SERPINB6: variants seen among roughly 807,000 people sequenced by gnomAD.
The protein encoded by SERPINB6 is serpin family B member 6.
In SERPINB6, 16 loss-of-function variants were observed where a neutral mutation model predicts 26.1. The observed-to-expected ratio is 0.61, with a 90% CI of 0.42 to 0.93. The LOEUF (loss-of-function observed/expected upper bound fraction) is 0.93. Among genes scored for constraint, SERPINB6 ranks in the 40% least tolerant of loss-of-function variants. The pLI, the probability that SERPINB6 is intolerant of heterozygous loss-of-function variation, is 0.00. For missense variants in SERPINB6, 420 were observed against 478.0 expected (o/e 0.88, Z 1.13); for synonymous variants, 174 against 176.6 (o/e 0.99, Z 0.11).
chr6:2,964,230 G>A (rs1471800704), intron 1 of SERPINB6, among the ~76,000 whole-genome samples: 1 of 152,138 alleles, frequency 6.6e-6, no homozygotes, highest in Non-Finnish European at 1.5e-5. Flanking sequence ...AGGAAGAAAA[G>A]AAAATGTCAT....
At position 2,967,252 on chromosome 6, in the gene SERPINB6, T is replaced by C; in HGVS notation, c.-11+4281A>G. The C allele has an allele frequency of 7.1e-6, 7 of 984,668 alleles. No homozygotes were observed. Among genetic ancestry groups the C allele is most frequent in the Non-Finnish European group, 8.4e-6 (7 of 829,246 alleles). The allele number at this position is 984,668 out of a possible 1,614,324, so 61.0% of individuals were successfully genotyped here. ...AAGTTCTGCTCTGGAAGACTGAAAC[T>C]GGACCCCTTCCTTACATACACCATG... On this transcript the variant is annotated intron_variant, in intron 1 of 6. Transcript: ENST00000380539. The surrounding 1 kb of genome is among the most constrained non-coding windows in gnomAD (Gnocchi z 4.3).
intron 1 of SERPINB6, chr6:2,971,111 G>A: frequency 9.3e-7 from 1 of 1,070,294 alleles, no homozygotes; most frequent in Non-Finnish European, 1.1e-6. Flanking sequence ...GGCCGACCGG[G>A]GTCACCTGTG....
chr6:2,949,122 G>A, intron 5 of SERPINB6, 53 bp from the exon 6 acceptor site: 2 of 1,588,510 alleles, frequency 1.3e-6, no homozygotes, highest in South Asian at 2.2e-5. Context: ...ACTGACACAT[G>A]GGACAAATGT....
chr6:2,954,656 G>A lies in SERPINB6; in HGVS notation c.366C>T (p.Asp122=). ...KFYQAEMEEL[D]FISAVEKSRK... Reference sequence around the variant, plus strand: ...TGGACTTCTCTACGGCGCTGATAAAGTCAAGCTCCTCCATCTCTGCTTGGT... The same window carrying A: ...TGGACTTCTCTACGGCGCTGATAAAATCAAGCTCCTCCATCTCTGCTTGGT... The change falls in exon 4 of 7, where the codon GAC becomes GAT. Residue 122 remains aspartate, a synonymous_variant. Coordinates refer to ENST00000380539, the MANE Select transcript of SERPINB6 (RefSeq NM_004568.6). 6.2e-7 allele frequency: 1 copy of A among 1,614,042 alleles called. No individual in the cohort carries two copies. Among genetic ancestry groups the A allele is most frequent in the South Asian group, 1.1e-5 (1 of 91,084 alleles).
Position 2,954,877 on chromosome 6 carries a change from A to G in SERPINB6, c.313-168T>C, listed in dbSNP as rs896883888. 4.8e-6 allele frequency: 3 copies of G among 625,546 alleles called. No homozygotes were observed. The African/African-American group carries it at 5.5e-5, about 11-fold the overall frequency. The allele number at this position is 625,546 out of a possible 1,614,324, so 38.7% of individuals were successfully genotyped here. ...AAACTACAACTTCCTAGCTTTAGCT[A>G]TATTTAATCCTAGCTTAAAAACTAA... On this transcript the variant is annotated intron_variant, in intron 3 of 6. Coordinates refer to ENST00000380539, the MANE Select transcript of SERPINB6 (RefSeq NM_004568.6).
chr6:2,962,305 G>A lies in SERPINB6; in HGVS notation c.-10-2963C>T, dbSNP rs1042214355. 11 of 763,646 alleles carry A rather than the reference G, an allele frequency of 1.4e-5. No individual in the cohort carries two copies. The South Asian group carries it at 3.0e-4, about 21-fold the overall frequency. The allele number at this position is 763,646 out of a possible 1,614,324, so 47.3% of individuals were successfully genotyped here. A position where few individuals can be genotyped will look rare whatever the true frequency, so the allele number is the denominator to read the frequency against. ...TACTGAACTGGAGAAACCAAAGCAG[G>A]ATATTCGGAGGAGAAGTCAGTGCAC... On this transcript the variant is annotated intron_variant, in intron 1 of 6. Transcript: ENST00000380539.
intron 1 of SERPINB6, chr6:2,969,940 G>C (rs1025220665): frequency 1.4e-6 from 1 of 731,580 alleles, no homozygotes; most frequent in African/African-American, 1.9e-5. Flanking sequence ...TTTGAGACCA[G>C]CCTGGCCAGC....
intron 3 of SERPINB6, 22 bp from the exon 4 acceptor site, chr6:2,954,731 A>G (rs773754931): frequency 3.9e-6 from 6 of 1,549,214 alleles, no homozygotes; most frequent in Non-Finnish European, 5.4e-6. Flanking sequence ...AGAGTGACAT[A>G]ACTGCCTGGC....
At chr6:2,949,685 T>C (rs185358813) in intron 5 of SERPINB6, among the ~76,000 whole-genome samples, 1 of 152,360 alleles carries the variant, frequency 6.6e-6, no homozygotes, top group Admixed American at 6.5e-5. Flanking sequence ...ATAATATGAT[T>C]GTGATTGTTC....
chr6:2,956,947 AG>A (rs1406777061), intron 2 of SERPINB6: 1 of 152,242 alleles, frequency 6.6e-6, no homozygotes, highest in African/African-American at 2.4e-5. Flanking sequence ...CTGCCTGCTC[AG>A]GCCACGGAAT....
intron 1 of SERPINB6, chr6:2,962,066 C>T (rs1771176989): frequency 2.0e-6 from 2 of 985,300 alleles, no homozygotes; most frequent in African/African-American, 3.5e-5. Context: ...CTAAGAAAGG[C>T]TAATAATAAA....
rs2165123 is a variant in SERPINB6 at position 2,950,746 on chromosome 6, G to T, written c.574-1677C>A. Among the ~76,000 whole-genome samples the T allele has an allele frequency of 2.0e-5, 3 of 152,094 alleles. No individual in the cohort carries two copies. The South Asian group carries it at 6.2e-4, about 32-fold the overall frequency. On this transcript the variant is annotated intron_variant, in intron 5 of 6. Coordinates refer to ENST00000380539, the MANE Select transcript of SERPINB6 (RefSeq NM_004568.6). ...AACAATCCCCCTCAGTTCCTGACTC[G>T]GAGCTGCTCCTGTGAGTTGAGTAAA...
rs200232879 is a variant in SERPINB6, at chr6:2,965,432, T to TA, written c.-10-6091_-10-6090insT. Among the ~76,000 whole-genome samples, 304 of 152,308 alleles carry TA rather than the reference T, an allele frequency of 2.0e-3. 1 individual carries two copies. Among genetic ancestry groups the TA allele is most frequent in the Admixed American group, 5.5e-3 (84 of 15,308 alleles). ...TGGCAGGCTGGTCAGACTAATTTTT[T>TA]TTCTCAAACACAGCACATTGCTTAC... On this transcript the variant is annotated intron_variant, in intron 1 of 6. Transcript: ENST00000380539.
chr6:2,951,771 C>T (rs1317323429), intron 5 of SERPINB6, among the ~76,000 whole-genome samples: 4 of 152,282 alleles, frequency 2.6e-5, no homozygotes, highest in Admixed American at 1.3e-4. Flanking sequence ...GAAAGCATGA[C>T]GGGATTCCAC....
intron 5 of SERPINB6, among the ~76,000 whole-genome samples, chr6:2,950,288 T>C (rs548445649): frequency 2.4e-4 from 37 of 152,098 alleles, no homozygotes; most frequent in Non-Finnish European, 4.4e-4. Context: ...ATCCCACCAT[T>C]TTGGGAGGCT....
chr6:2,948,648 T>G lies in SERPINB6; in HGVS notation c.781A>C (p.Met261Leu), dbSNP rs754009164. 46 of 1,614,082 alleles carry G rather than the reference T, an allele frequency of 2.8e-5. No individual in the cohort carries two copies. Among genetic ancestry groups the G allele is most frequent in the Non-Finnish European group, 3.7e-5 (44 of 1,180,002 alleles). ...ACTTCCACCTCCTCTTCATCCATCA[T>G]GTCCAGCCTCGTCCATTCTACGAAC... is the stretch of plus-strand genomic sequence containing the variant. ...EKFVEWTRLD[M>L]MDEEEVEVSL... Residue 261 changes from methionine (M) to leucine (L), a missense_variant, in exon 7 of 7, where the codon ATG (methionine) becomes CTG (leucine). Physicochemically the swap from Met to Leu is conservative, Grantham distance 15. Coordinates refer to ENST00000380539, the MANE Select transcript of SERPINB6 (RefSeq NM_004568.6). This position sits in a 1 kb window ranked among gnomAD's most constrained non-coding sequence, Gnocchi z 5.0.
intron 2 of SERPINB6, chr6:2,957,350 T>C (rs55722256): frequency 0.013 from 1,978 of 152,306 alleles, 14 homozygotes; most frequent in Middle Eastern, 0.027. Flanking sequence ...AAGCAGAATT[T>C]AAAGGAACTA....
At position 2,967,686 on chromosome 6, in the gene SERPINB6, AG is replaced by A. The variant is rs1249938002; in HGVS notation, c.-11+3846del. ...GACATTCATGCAGCCAACAGCCATA[AG>A]AAAAAAGGCTCAGTATCACTGATCA... On this transcript the variant is annotated intron_variant, in intron 1 of 6. Coordinates refer to ENST00000380539, the MANE Select transcript of SERPINB6 (RefSeq NM_004568.6). The surrounding 1 kb of genome is among the most constrained non-coding windows in gnomAD (Gnocchi z 4.3). 1 of 152,246 alleles carries A rather than the reference AG, an allele frequency of 6.6e-6. No individual in the cohort carries two copies. The highest frequency in any genetic ancestry group is 1.9e-4 in the East Asian group (1 of 5,206). 9.4% of individuals were successfully genotyped at this position (152,246 alleles called of 1,614,324 possible).
At chr6:2,955,087 G>A in intron 3 of SERPINB6, 1 of 280,704 alleles carries the variant, frequency 3.6e-6, no homozygotes, top group Non-Finnish European at 6.8e-6. Flanking sequence ...CTACTTGGGA[G>A]GCTGAGGCAG....
Sources: allele counts gnomAD v4.1 joint callset (sites outside exome capture counted in the v4.1 genomes callset), GRCh38; gene constraint gnomAD v4.1.1; non-coding constraint Gnocchi (gnomAD v3.1); transcripts MANE v1.5; gene names NCBI Gene and HGNC (gene_info 2026-07-23, HGNC 2026-07-21).